Variants in NR2F1-AS1 observed in about 807,000 individuals in gnomAD.
The protein encoded by NR2F1-AS1 is NR2F1 antisense RNA 1.
chr5:93,418,398 A>C (rs1327377397), intron 4 of NR2F1-AS1, among the ~76,000 whole-genome samples: 5 of 152,162 alleles, frequency 3.3e-5, no homozygotes, highest in East Asian at 3.9e-4. Flanking sequence ...ACCATCCTGG[A>C]CAACATGGTG....
intron 4 of NR2F1-AS1, among the ~76,000 whole-genome samples, chr5:93,499,100 T>C (rs1346998141): frequency 6.6e-6 from 1 of 152,198 alleles, no homozygotes; most frequent in Non-Finnish European, 1.5e-5. Flanking sequence ...AGAAAATCAG[T>C]AATCTTTTCA....
At chr5:93,509,904 T>C (rs1751261721) in intron 4 of NR2F1-AS1, among the ~76,000 whole-genome samples, 1 of 151,998 alleles carries the variant, frequency 6.6e-6, no homozygotes, top group African/African-American at 2.4e-5. Context: ...AGATCAACTA[T>C]CTTATGTATA....
chr5:93,511,607 A>G (rs996914668), intron 4 of NR2F1-AS1, among the ~76,000 whole-genome samples: 4 of 152,180 alleles, frequency 2.6e-5, no homozygotes, highest in Non-Finnish European at 5.9e-5. Flanking sequence ...AATGTACTAC[A>G]TACAATTATG....
intron 4 of NR2F1-AS1, among the ~76,000 whole-genome samples, chr5:93,430,308 C>T (rs1749283322): frequency 2.6e-5 from 4 of 152,116 alleles, no homozygotes; most frequent in Admixed American, 2.6e-4. Flanking sequence ...CTTTTGTCAC[C>T]CAGGCTTCAT....
chr5:93,422,092 T>C (rs776736012), intron 4 of NR2F1-AS1, among the ~76,000 whole-genome samples: 6 of 152,230 alleles, frequency 3.9e-5, no homozygotes, highest in Non-Finnish European at 5.9e-5. Flanking sequence ...TCATTTTATC[T>C]TTGAACATCT....
intron 4 of NR2F1-AS1, among the ~76,000 whole-genome samples, chr5:93,507,212 T>C (rs1751202916): frequency 6.6e-6 from 1 of 152,230 alleles, no homozygotes; most frequent in African/African-American, 2.4e-5. Context: ...TGATATTTAA[T>C]AGTAAAATTT....
At chr5:93,436,750 C>T (rs563616968) in intron 4 of NR2F1-AS1, among the ~76,000 whole-genome samples, 1 of 152,134 alleles carries the variant, frequency 6.6e-6, no homozygotes, top group African/African-American at 2.4e-5. Flanking sequence ...TATGAGGCAC[C>T]TCATTATATA....
At chr5:93,425,802 A>G (rs1177128935) in intron 4 of NR2F1-AS1, among the ~76,000 whole-genome samples, 1 of 152,126 alleles carries the variant, frequency 6.6e-6, no homozygotes, top group African/African-American at 2.4e-5. Context: ...AGTGAATTGT[A>G]TTATAGTTAT....
At chr5:93,453,746 T>C (rs565020191) in intron 4 of NR2F1-AS1, among the ~76,000 whole-genome samples, 3 of 152,084 alleles carry the variant, frequency 2.0e-5, no homozygotes, top group South Asian at 2.1e-4. Flanking sequence ...ACACGTTCTA[T>C]ACAGGAAAAA....
At chr5:93,486,625 G>A (rs1750723281) in intron 4 of NR2F1-AS1, among the ~76,000 whole-genome samples, 3 of 152,030 alleles carry the variant, frequency 2.0e-5, no homozygotes, top group Admixed American at 2.0e-4. Context: ...CAAAACAAAA[G>A]CCCAGGACCA....
chr5:93,515,011 C>T (rs1376620491), intron 4 of NR2F1-AS1, among the ~76,000 whole-genome samples: 1 of 151,790 alleles, frequency 6.6e-6, no homozygotes, highest in Admixed American at 6.6e-5. Flanking sequence ...TGCTTTAATG[C>T]TTCCATTGAT....
intron 4 of NR2F1-AS1, among the ~76,000 whole-genome samples, chr5:93,448,125 C>G (rs1385676026): frequency 2.0e-5 from 3 of 152,056 alleles, no homozygotes; most frequent in African/African-American, 7.3e-5. Context: ...GTACAGCACA[C>G]CAACATGGCA....
upstream of NR2F1-AS1, chr5:93,585,450 C>T: frequency 1.9e-6 from 3 of 1,613,968 alleles, no homozygotes; most frequent in Non-Finnish European, 2.5e-6. Flanking sequence ...ATACTGCCGC[C>T]TCAAGAAGTG....
chr5:93,528,323 G>A (rs991985257), intron 4 of NR2F1-AS1, among the ~76,000 whole-genome samples: 1 of 152,128 alleles, frequency 6.6e-6, no homozygotes, highest in Non-Finnish European at 1.5e-5. Context: ...TAAAAAAAGA[G>A]AAATACAAAT....
chr5:93,506,358 T>C (rs2149888518), intron 4 of NR2F1-AS1, among the ~76,000 whole-genome samples: 1 of 152,310 alleles, frequency 6.6e-6, no homozygotes, highest in African/African-American at 2.4e-5. Context: ...CCCTCCAAAC[T>C]GTTCCAATCT....
intron 1 of NR2F1-AS1, among the ~76,000 whole-genome samples, chr5:93,574,596 G>T (rs1039544281): frequency 4.6e-5 from 7 of 152,116 alleles, no homozygotes; most frequent in African/African-American, 1.7e-4. Context: ...AGAAAAGAAA[G>T]GTCAGGAAGC....
intron 4 of NR2F1-AS1, among the ~76,000 whole-genome samples, chr5:93,487,000 T>C (rs1481323683): frequency 6.6e-6 from 1 of 152,230 alleles, no homozygotes; most frequent in Non-Finnish European, 1.5e-5. Context: ...AAAAACCTTA[T>C]GATTATCTCA....
Position 93,506,307 on chromosome 5 carries a change from G to A in NR2F1-AS1, n.638+47454C>T, listed in dbSNP as rs193298378. On this transcript the variant is annotated intron_variant and non_coding_transcript_variant, in intron 4 of 5. Coordinates refer to ENST00000660523, the Ensembl canonical transcript of NR2F1-AS1. Reference sequence around the variant, plus strand: ...TCAAAGCCATTCAACAAATTTCTAGGATGTTCCAAACTTTCCCACATTTTC... The same window carrying A: ...TCAAAGCCATTCAACAAATTTCTAGAATGTTCCAAACTTTCCCACATTTTC... Among the ~76,000 whole-genome samples, 24 of 152,190 alleles carry A rather than the reference G, an allele frequency of 1.6e-4. No individual in the cohort carries two copies. In the East Asian group the frequency reaches 4.4e-3, roughly 28 times the overall value.
chr5:93,416,315 T>C (rs1748966718), intron 4 of NR2F1-AS1, among the ~76,000 whole-genome samples: 1 of 152,272 alleles, frequency 6.6e-6, no homozygotes, highest in African/African-American at 2.4e-5. Context: ...CAGTAATTTA[T>C]GTCTAACTTG....
Sources: gnomAD v4.1 joint callset for allele counts (sites outside exome capture counted in the v4.1 genomes callset) on GRCh38, gnomAD v4.1.1 for gene constraint, MANE v1.5 for transcripts, NCBI Gene and HGNC (gene_info 2026-07-23, HGNC 2026-07-21) for gene names.